TRIM2: variants seen among roughly 807,000 people sequenced by gnomAD.
TRIM2 encodes tripartite motif containing 2.
Under a neutral mutation model 75.2 loss-of-function variants are expected in TRIM2, and 20 were observed. The ratio of observed to expected loss-of-function variants is 0.27; its 90% CI spans 0.19 to 0.39. The LOEUF is 0.39. TRIM2 is among the 10% of genes least tolerant of loss of function. The pLI is 1.00. For missense variants in TRIM2, 660 were observed against 990.8 expected (o/e 0.67, Z 4.48); for synonymous variants, 373 against 388.3 (o/e 0.96, Z 0.46).
At chr4:153,333,198 GA>G (rs1771876790) in intron 11 of TRIM2, among the ~76,000 whole-genome samples, 1 of 152,136 alleles carries the variant, frequency 6.6e-6, no homozygotes, top group Non-Finnish European at 1.5e-5. Context: ...GCATGATGCT[GA>G]GTGAAAAAAA....
intron 1 of TRIM2, among the ~76,000 whole-genome samples, chr4:153,160,748 C>G (rs182131954): frequency 5.3e-5 from 8 of 152,194 alleles, no homozygotes; most frequent in Middle Eastern, 3.2e-3. Context: ...GCATGCACCA[C>G]CACACCTGGC....
chr4:153,253,609 C>T (rs1205096488), intron 1 of TRIM2, among the ~76,000 whole-genome samples: 2 of 152,148 alleles, frequency 1.3e-5, no homozygotes, highest in Non-Finnish European at 2.9e-5. Flanking sequence ...GATGGTTAAG[C>T]CATTCTAAGT....
intron 1 of TRIM2, among the ~76,000 whole-genome samples, chr4:153,244,562 C>T (rs973332881): frequency 4.0e-5 from 6 of 151,146 alleles, no homozygotes; most frequent in Non-Finnish European, 7.4e-5. Flanking sequence ...CACCTAGCAA[C>T]ACATAGTTTT....
intron 1 of TRIM2, among the ~76,000 whole-genome samples, chr4:153,218,772 A>G (rs1739180303): frequency 6.6e-6 from 1 of 152,104 alleles, no homozygotes; most frequent in Non-Finnish European, 1.5e-5. Flanking sequence ...CTAGTAAGGG[A>G]GTTACTGAAG....
At chr4:153,162,927 T>G (rs1415356290) in intron 1 of TRIM2, among the ~76,000 whole-genome samples, 1 of 152,166 alleles carries the variant, frequency 6.6e-6, no homozygotes, top group Non-Finnish European at 1.5e-5. Context: ...GGTTGGGACA[T>G]GGACCATGCT....
chr4:153,202,226 C>T (rs1734438482), upstream of TRIM2, among the ~76,000 whole-genome samples: 1 of 152,150 alleles, frequency 6.6e-6, no homozygotes, highest in Admixed American at 6.5e-5. Context: ...TCTGATAATT[C>T]ATTTTGACAA....
intron 6 of TRIM2, among the ~76,000 whole-genome samples, chr4:153,314,419 C>CAAAAA (rs58410286): frequency 1.0e-4 from 6 of 58,890 alleles, no homozygotes; most frequent in Middle Eastern, 9.1e-3. Flanking sequence ...GACTCCGTCT[C>CAAAAA]AAAAAAAAAA....
chr4:153,328,785 C>T, intron 11 of TRIM2, 115 bp downstream of exon 11: 1 of 1,165,454 alleles, frequency 8.6e-7, no homozygotes, highest in Non-Finnish European at 1.2e-6. Context: ...GGACATAGAA[C>T]CATAGATACT....
intron 1 of TRIM2, among the ~76,000 whole-genome samples, chr4:153,178,141 G>C (rs574797866): frequency 1.6e-4 from 25 of 152,194 alleles, no homozygotes; most frequent in African/African-American, 6.0e-4. Flanking sequence ...CTCTTCAGAA[G>C]ACAGTTTGGC....
intron 1 of TRIM2, among the ~76,000 whole-genome samples, chr4:153,261,170 C>T (rs1753472866): frequency 6.6e-6 from 1 of 152,134 alleles, no homozygotes; most frequent in Non-Finnish European, 1.5e-5. Context: ...GCCTGTAATC[C>T]CAGCATTTTA....
chr4:153,207,119 T>C (rs4631020), intron 1 of TRIM2, among the ~76,000 whole-genome samples: 20,718 of 152,156 alleles, frequency 0.14, 1,485 homozygotes, highest in South Asian at 0.22. Flanking sequence ...ATATTTCTTA[T>C]TATAAATCAC....
intron 1 of TRIM2, among the ~76,000 whole-genome samples, chr4:153,211,394 C>A (rs904462454): frequency 6.6e-6 from 1 of 152,126 alleles, no homozygotes; most frequent in Admixed American, 6.5e-5. Context: ...TACATCCAAC[C>A]TTTAGGAGCA....
intron 1 of TRIM2, among the ~76,000 whole-genome samples, chr4:153,216,393 G>A (rs1478574400): frequency 2.6e-5 from 4 of 152,106 alleles, no homozygotes; most frequent in Admixed American, 6.5e-5. Flanking sequence ...CTGACTCTAT[G>A]TTCAATCTAA....
At chr4:153,169,346 C>T (rs955901586) in intron 1 of TRIM2, among the ~76,000 whole-genome samples, 1 of 152,222 alleles carries the variant, frequency 6.6e-6, no homozygotes, top group African/African-American at 2.4e-5. Flanking sequence ...CCACACCATG[C>T]TTTAATGTAC....
Position 153,297,043 on chromosome 4 carries a change from C to G in TRIM2, c.1510+1007C>G, listed in dbSNP as rs546936398. 1.1e-4 allele frequency among the ~76,000 whole-genome samples: 17 copies of G among 152,258 alleles called. No individual in the cohort carries two copies. The South Asian group carries it at 3.3e-3, about 30-fold the overall frequency. On this transcript the variant is annotated intron_variant, in intron 6 of 11. Transcript: ENST00000338700. The stretch of plus-strand genomic sequence containing the variant: ...GAATCTGCTGATGTACATTGTAGGT[C>G]TCTGAGGCAGGAGAGGGATAGATAA...
At chr4:153,266,880 C>A in intron 1 of TRIM2, 1 of 144,268 alleles carries the variant, frequency 6.9e-6, no homozygotes. Context: ...ACATAAACAG[C>A]AGAATTTTCT....
chr4:153,254,485 G>A (rs1751583860), intron 1 of TRIM2, among the ~76,000 whole-genome samples: 2 of 152,126 alleles, frequency 1.3e-5, no homozygotes, highest in Admixed American at 1.3e-4. Flanking sequence ...AAGAATCCTG[G>A]GCTCTTCTCT....
chr4:153,330,098 A>C (rs559638192), intron 11 of TRIM2, among the ~76,000 whole-genome samples: 20 of 152,288 alleles, frequency 1.3e-4, no homozygotes, highest in Non-Finnish European at 2.6e-4. Flanking sequence ...CTCCTCAAAA[A>C]ATACCAACTC....
intron 6 of TRIM2, among the ~76,000 whole-genome samples, chr4:153,299,474 T>G (rs1451581413): frequency 6.6e-6 from 1 of 152,210 alleles, no homozygotes; most frequent in African/African-American, 2.4e-5. Context: ...TGAACAGTGC[T>G]GCAGTGAAAC....
Sources: gnomAD v4.1 joint callset for allele counts (sites outside exome capture counted in the v4.1 genomes callset) on GRCh38, gnomAD v4.1.1 for gene constraint, MANE v1.5 for transcripts, NCBI Gene and HGNC (gene_info 2026-07-23, HGNC 2026-07-21) for gene names.